Variants in FNBP4 observed in about 807,000 individuals in gnomAD.
The protein encoded by FNBP4 is formin binding protein 4.
A neutral mutation model predicts 119.3 loss-of-function variants in FNBP4; 34 were observed. That is an observed-to-expected ratio of 0.28 (90% CI 0.22 to 0.38). The LOEUF is 0.38. Among genes scored for constraint, FNBP4 ranks in the 10% least tolerant of loss-of-function variants. The probability of loss-of-function intolerance (pLI) is 1.00; values close to 1 mark genes in which losing one functional copy is unlikely to be tolerated. For synonymous variants in FNBP4, 462 were observed against 430.6 expected, an observed-to-expected ratio of 1.07 and a Z score of -0.90; for missense variants, 1,112 against 1,228.9, an observed-to-expected ratio of 0.90 and a Z score of 1.42.
At position 47,747,923 on chromosome 11, in the gene FNBP4, G is replaced by C. The variant is rs182264557; in HGVS notation, c.907-1529C>G. On this transcript the variant is annotated intron_variant, in intron 6 of 16. Transcript: ENST00000263773. ...AGATCATGCCACTGTACTCCAGCTC[G>C]GATGACAGTGTGAGAGACTGTCTCA... Among the ~76,000 whole-genome samples, 592 of 151,530 alleles carry C rather than the reference G, an allele frequency of 3.9e-3. 3 individuals are homozygous for C. The highest frequency in any genetic ancestry group is 3.6e-3 in the Non-Finnish European group (246 of 67,906).
chr11:47,762,223 C>T (rs1182140906), intron 2 of FNBP4, among the ~76,000 whole-genome samples: 1 of 151,866 alleles, frequency 6.6e-6, no homozygotes, highest in East Asian at 1.9e-4. Context: ...CCTCCGCCTC[C>T]CGGGTTCAAG....
At chr11:47,745,048 A>G (rs985410686) in intron 7 of FNBP4, among the ~76,000 whole-genome samples, 2 of 152,196 alleles carry the variant, frequency 1.3e-5, no homozygotes, top group South Asian at 2.1e-4. Flanking sequence ...TCTTACTTTA[A>G]TCTCTTAATC....
In FNBP4 at chr11:47,729,774, G is replaced by A. The variant is rs967066818; in HGVS notation, c.2008+1600C>T. 28 of 985,410 alleles carry A rather than the reference G, an allele frequency of 2.8e-5. No individual in the cohort carries two copies. The African/African-American group carries it at 4.9e-4, about 17-fold the overall frequency. The allele number at this position is 985,410 out of a possible 1,614,324, so 61.0% of individuals were successfully genotyped here. ...AGCTGGTTTTAACCACCACTGAGCT[G>A]ATTAAGAGCTCTCTTTATTAGGCTT... On this transcript the variant is annotated intron_variant, in intron 12 of 16. Transcript: ENST00000263773.
chr11:47,726,593 T>C (rs1012255897), intron 12 of FNBP4: 4 of 152,034 alleles, frequency 2.6e-5, no homozygotes, highest in Non-Finnish European at 5.9e-5. Flanking sequence ...GAAAAGGACA[T>C]TGAAAAAAAT....
intron 8 of FNBP4, 46 bp from the exon 9 acceptor site, chr11:47,736,786 A>C: frequency 6.6e-7 from 1 of 1,510,402 alleles, no homozygotes; most frequent in Middle Eastern, 1.7e-4. Flanking sequence ...CAATACTTAT[A>C]GAACACTATA....
At chr11:47,738,552 C>T (rs2097577310) in intron 8 of FNBP4, among the ~76,000 whole-genome samples, 1 of 151,992 alleles carries the variant, frequency 6.6e-6, no homozygotes, top group Non-Finnish European at 1.5e-5. Flanking sequence ...GCAACAAGAG[C>T]AAAACTCCGT....
intron 6 of FNBP4, 47 bp downstream of exon 6, chr11:47,750,869 C>T (rs773102461): frequency 6.2e-7 from 1 of 1,603,240 alleles, no homozygotes; most frequent in South Asian, 1.1e-5. Flanking sequence ...CAGAGTAACG[C>T]TTATTAGATC....
chr11:47,767,319 G>A lies in FNBP4; in HGVS notation c.-31C>T, dbSNP rs1318865828. The stretch of plus-strand genomic sequence containing the variant: ...GCCCAAGCGCGAGCAGAGAGCGTCG[G>A]GCGGCCGAGAGGGGCGGGCACTGGA... On this transcript the variant is annotated 5_prime_UTR_variant, in exon 1 of 17. Coordinates refer to ENST00000263773, the MANE Select transcript of FNBP4 (RefSeq NM_015308.5). 3 of 1,453,298 alleles carry A rather than the reference G, an allele frequency of 2.1e-6. No homozygotes were observed. The highest frequency in any genetic ancestry group is 1.5e-5 in the African/African-American group (1 of 68,226). The allele number at this position is 1,453,298 out of a possible 1,614,324, so 90.0% of individuals were successfully genotyped here. A position where few individuals can be genotyped will look rare whatever the true frequency, so the allele number is the denominator to read the frequency against.
At chr11:47,750,067 C>T (rs1488899236) in intron 6 of FNBP4, among the ~76,000 whole-genome samples, 1 of 151,990 alleles carries the variant, frequency 6.6e-6, no homozygotes, top group African/African-American at 2.4e-5. Context: ...CTCTGTGATA[C>T]CCTAAAGCTC....
chr11:47,763,864 T>C (rs1348710299), intron 2 of FNBP4, among the ~76,000 whole-genome samples: 1 of 152,144 alleles, frequency 6.6e-6, no homozygotes, highest in African/African-American at 2.4e-5. Flanking sequence ...CTCAACATTC[T>C]TACTTACCTT....
At chr11:47,739,113 G>T (rs1247487237) in intron 8 of FNBP4, among the ~76,000 whole-genome samples, 1 of 151,056 alleles carries the variant, frequency 6.6e-6, no homozygotes, top group Admixed American at 6.6e-5. Flanking sequence ...TTGTTTTTTA[G>T]TAGAGACAAA....
intron 2 of FNBP4, among the ~76,000 whole-genome samples, chr11:47,763,136 T>C (rs2097639534): frequency 6.6e-6 from 1 of 152,078 alleles, no homozygotes; most frequent in African/African-American, 2.4e-5. Flanking sequence ...ACCCTAGAGT[T>C]GTAAGAACAA....
At chr11:47,760,325 G>A (rs764313373) in intron 2 of FNBP4, among the ~76,000 whole-genome samples, 9 of 144,140 alleles carry the variant, frequency 6.2e-5, no homozygotes, top group Non-Finnish European at 1.2e-4. Context: ...GTAATCACAT[G>A]ATCTCGGCTC....
chr11:47,737,417 G>C (rs924264769), intron 8 of FNBP4, among the ~76,000 whole-genome samples: 3 of 152,056 alleles, frequency 2.0e-5, no homozygotes, highest in Admixed American at 6.6e-5. Context: ...TGCAGGGGAA[G>C]GTGCTCAAAA....
chr11:47,761,363 G>A (rs753819020), intron 2 of FNBP4, among the ~76,000 whole-genome samples: 13 of 152,178 alleles, frequency 8.5e-5, no homozygotes, highest in African/African-American at 1.2e-4. Context: ...GGGAGGCTGA[G>A]ACGAGTGGAT....
intron 8 of FNBP4, among the ~76,000 whole-genome samples, chr11:47,737,587 G>A (rs766888693): frequency 1.3e-5 from 2 of 151,814 alleles, no homozygotes; most frequent in Non-Finnish European, 2.9e-5. Context: ...CTACAGGCAG[G>A]TGCCACCGTG....
intron 8 of FNBP4, among the ~76,000 whole-genome samples, chr11:47,741,162 C>T (rs2097581439): frequency 6.6e-6 from 1 of 151,532 alleles, no homozygotes; most frequent in Admixed American, 6.6e-5. Context: ...AGCCACCGTG[C>T]GCCAGTCTGT....
At chr11:47,721,122 C>G (rs1466463004) in intron 15 of FNBP4, among the ~76,000 whole-genome samples, 2 of 150,760 alleles carry the variant, frequency 1.3e-5, no homozygotes, top group East Asian at 3.9e-4. Flanking sequence ...GTGATCGAGA[C>G]CATCCTAGCT....
At chr11:47,753,629 A>C (rs1022957438) in intron 3 of FNBP4, among the ~76,000 whole-genome samples, 2 of 152,086 alleles carry the variant, frequency 1.3e-5, no homozygotes, top group Admixed American at 6.6e-5. Flanking sequence ...CAAAAAACAA[A>C]AAAAAAAGAA....
Sources: gnomAD v4.1 joint callset for allele counts (sites outside exome capture counted in the v4.1 genomes callset) on GRCh38, gnomAD v4.1.1 for gene constraint, MANE v1.5 for transcripts, NCBI Gene and HGNC (gene_info 2026-07-23, HGNC 2026-07-21) for gene names.